MINAR1: variants seen among roughly 807,000 people sequenced by gnomAD.
MINAR1 encodes major intrinsically disordered Notch2-binding receptor 1.
In MINAR1, 40 loss-of-function variants were observed where a neutral mutation model predicts 65.1. The observed-to-expected ratio is 0.61, with a 90% CI of 0.48 to 0.80. MINAR1 has a LOEUF of 0.80. MINAR1 is among the 30% of genes least tolerant of loss of function. The pLI is 0.00. For missense variants in MINAR1, 1,128 were observed against 1,148.0 expected, an observed-to-expected ratio of 0.98 and a Z score of 0.25; for synonymous variants, 482 against 449.1, an observed-to-expected ratio of 1.07 and a Z score of -0.93.
chr15:79,412,709 G>A, the MINAR1 span: 3 of 152,584 alleles, frequency 2.0e-5, no homozygotes, highest in African/African-American at 7.2e-5. Context: ...TAGCCAATGA[G>A]CATGCACCCT....
Position 79,457,289 on chromosome 15 carries a change from G to T in MINAR1, c.1142G>T (p.Arg381Leu). The change falls in exon 2 of 4, where the codon CGG becomes CTG. Residue 381 changes from arginine to leucine, a missense_variant. Coordinates refer to ENST00000305428, the MANE Select transcript of MINAR1 (RefSeq NM_015206.3). ...LNTEEVPDFE[R>L]SFFNRNPSEE... ...ACAGAGGAAGTTCCTGACTTTGAAC[G>T]GTCCTTTTTCAATAGAAATCCCTCC... The T allele has an allele frequency of 1.2e-6, 2 of 1,614,144 alleles. No individual in the cohort carries two copies. Among genetic ancestry groups the T allele is most frequent in the Non-Finnish European group, 1.7e-6 (2 of 1,180,036 alleles).
intron 3 of MINAR1, among the ~76,000 whole-genome samples, chr15:79,467,067 CA>C (rs2141308890): frequency 6.6e-6 from 1 of 152,090 alleles, no homozygotes; most frequent in East Asian, 1.9e-4. Context: ...CCTAGGGGCA[CA>C]GAGCAAGATG....
intron 1 of MINAR1, among the ~76,000 whole-genome samples, chr15:79,446,366 TTTCTTTCCCTCTGAAGGAGC>T (rs1895017427): frequency 6.6e-6 from 1 of 152,142 alleles, no homozygotes; most frequent in South Asian, 2.1e-4. Context: ...CTGGATTCAC[TTTCTTTCCCTCTGAAGGAGC>T]TTCTTTATAG....
At chr15:79,462,949 G>A (rs1166163097) in intron 2 of MINAR1, 118 bp from the exon 3 acceptor site, 1 of 1,085,830 alleles carries the variant, frequency 9.2e-7, no homozygotes, top group Non-Finnish European at 1.3e-6. Context: ...GATTTGGCTG[G>A]AAGTAACTGC....
In MINAR1 at chr15:79,468,289, C is replaced by T. The variant is rs777537261; in HGVS notation, c.2656C>T (p.Arg886Ter). ...AAAACGTAAAGAAGCCGAATTCAGA[C>T]GAGCCAAGGTCTGCAAGATAGCTGC... Reference protein sequence around the residue: ...LLKRKEAEFRRAKVCKIAALI... With the variant: ...LLKRKEAEFR Residue 886 changes from arginine (R) to a stop codon, truncating the protein, a stop_gained, in exon 4 of 4, where the codon CGA (arginine) becomes TGA (stop). Transcript: ENST00000305428. LOFTEE classifies it high-confidence loss of function. 40 of 1,613,956 alleles carry T rather than the reference C, an allele frequency of 2.5e-5. No homozygotes were observed. Among genetic ancestry groups the T allele is most frequent in the Admixed American group, 5.0e-5 (3 of 60,004 alleles).
chr15:79,468,124 G>A (rs889456868), intron 3 of MINAR1, 63 bp from the exon 4 acceptor site: 51 of 1,357,920 alleles, frequency 3.8e-5, no homozygotes, highest in South Asian at 3.0e-4. Context: ...GATGACTGTC[G>A]GGACGTCTTT....
the MINAR1 span, chr15:79,414,666 G>A: frequency 7.2e-5 from 11 of 152,196 alleles, no homozygotes; most frequent in Admixed American, 7.2e-4. Flanking sequence ...TTTTAGCGTG[G>A]TTGGAGATGT....
chr15:79,450,433 T>C (rs1355299938), intron 1 of MINAR1, among the ~76,000 whole-genome samples: 6 of 152,074 alleles, frequency 3.9e-5, no homozygotes, highest in South Asian at 2.1e-4. Flanking sequence ...GTAGTTTGGA[T>C]TGGCGGGCGA....
upstream of MINAR1, among the ~76,000 whole-genome samples, chr15:79,430,671 A>C (rs1894415184): frequency 6.6e-6 from 1 of 152,168 alleles, no homozygotes; most frequent in Admixed American, 6.5e-5. Flanking sequence ...GAATCAAACA[A>C]ACTTCACTCC....
At chr15:79,425,051 T>C in the MINAR1 span, 1 of 129,026 alleles carries the variant, frequency 7.8e-6, no homozygotes, top group African/African-American at 2.5e-5. Flanking sequence ...TTTTTTTTTA[T>C]TTTTTTGAGA....
rs1671277473 is a variant in MINAR1, at chr15:79,443,989, T to A, written c.-51+11449T>A. On this transcript the variant is annotated intron_variant, in intron 1 of 3. Coordinates refer to ENST00000305428, the MANE Select transcript of MINAR1 (RefSeq NM_015206.3). The stretch of plus-strand genomic sequence containing the variant: ...ATTAAATAAAACTTCCAAAAAGTTG[T>A]CTATTGAATTTGTGGCTCTATCCCT... Among the ~76,000 whole-genome samples the A allele has an allele frequency of 2.0e-5, 3 of 152,306 alleles. No homozygotes were observed. The South Asian group carries it at 6.2e-4, about 32-fold the overall frequency.
At chr15:79,415,775 A>G in the MINAR1 span, 46 of 152,360 alleles carry the variant, frequency 3.0e-4, no homozygotes, top group African/African-American at 1.1e-3. Context: ...CACTCCCAGA[A>G]AAGGTCAAGA....
chr15:79,444,131 A>T (rs1734226690), intron 1 of MINAR1, among the ~76,000 whole-genome samples: 1 of 152,170 alleles, frequency 6.6e-6, no homozygotes, highest in African/African-American at 2.4e-5. Flanking sequence ...GTGGCCTTTG[A>T]CAAGTTACGG....
In MINAR1 at chr15:79,457,120, C is replaced by T. The variant is rs371348469; in HGVS notation, c.973C>T (p.Arg325Ter). The change falls in exon 2 of 4, where the codon CGA (arginine) becomes TGA (stop). Residue 325 changes from arginine to a stop codon, truncating the protein, a stop_gained. Coordinates refer to ENST00000305428, the MANE Select transcript of MINAR1 (RefSeq NM_015206.3). LOFTEE classifies it high-confidence loss of function. Reference protein sequence around the residue: ...PVYSPVPDKRRAKHESLDDLQ... With the variant: ...PVYSPVPDKR The stretch of plus-strand genomic sequence containing the variant: ...GTATTCCCCGGTTCCTGACAAAAGG[C>T]GAGCAAAGCACGAAAGCTTAGATGA... The T allele has an allele frequency of 8.7e-6, 14 of 1,614,070 alleles. No homozygotes were observed. Among genetic ancestry groups the T allele is most frequent in the Admixed American group, 3.3e-5 (2 of 59,996 alleles).
intron 2 of MINAR1, among the ~76,000 whole-genome samples, chr15:79,459,751 A>C (rs1895579802): frequency 6.6e-6 from 1 of 152,220 alleles, no homozygotes; most frequent in South Asian, 2.1e-4. Flanking sequence ...CCCTGATTTT[A>C]AATAAACCTC....
At chr15:79,418,049 CTG>C in the MINAR1 span, 3 of 152,182 alleles carry the variant, frequency 2.0e-5, no homozygotes, top group African/African-American at 7.2e-5. Context: ...ACAAGTAAAA[CTG>C]TAATGCGGAG....
chr15:79,456,044 A>C lies in MINAR1; in HGVS notation c.-50-54A>C, dbSNP rs1895399245. 5.4e-6 allele frequency: 6 copies of C among 1,115,522 alleles called. No individual in the cohort carries two copies. The South Asian group carries it at 8.0e-5, about 15-fold the overall frequency. The allele number at this position is 1,115,522 out of a possible 1,614,324, so 69.1% of individuals were successfully genotyped here. A position where few individuals can be genotyped will look rare whatever the true frequency, so the allele number is the denominator to read the frequency against. On this transcript the variant is annotated intron_variant, in intron 1 of 3. Coordinates refer to ENST00000305428, the MANE Select transcript of MINAR1 (RefSeq NM_015206.3). ...TATAAGGAGCTTGACTTCAAACTCCACTGGTGTTTATAATCCTCTTTTCCT... is the reference window on the plus strand; with the variant it reads ...TATAAGGAGCTTGACTTCAAACTCCCCTGGTGTTTATAATCCTCTTTTCCT...
chr15:79,462,611 C>T (rs1266743905), intron 2 of MINAR1, among the ~76,000 whole-genome samples: 2 of 152,072 alleles, frequency 1.3e-5, no homozygotes, highest in South Asian at 2.1e-4. Context: ...GGAAAGGACC[C>T]GTATCTTTTA....
intron 1 of MINAR1, among the ~76,000 whole-genome samples, chr15:79,435,925 T>C (rs1204114802): frequency 1.3e-5 from 2 of 152,266 alleles, no homozygotes; most frequent in Non-Finnish European, 2.9e-5. Flanking sequence ...TCTGGGCACA[T>C]GGTAAGATTG....
Sources: gnomAD v4.1 joint callset for allele counts (sites outside exome capture counted in the v4.1 genomes callset) on GRCh38, gnomAD v4.1.1 for gene constraint, MANE v1.5 for transcripts, NCBI Gene and HGNC (gene_info 2026-07-23, HGNC 2026-07-21) for gene names.